ATP10B: variants seen among roughly 807,000 people sequenced by gnomAD.
ATP10B encodes phospholipid-transporting ATPase VB.
Under a neutral mutation model 141.2 loss-of-function variants are expected in ATP10B, and 122 were observed. That is an observed-to-expected ratio of 0.86 (90% confidence interval 0.75 to 1.00). ATP10B has a LOEUF of 1.00. Ranked by LOEUF, ATP10B falls within the 50% of genes least tolerant of loss-of-function variation. The probability of loss-of-function intolerance (pLI) is 0.00; values close to 1 mark genes in which losing one functional copy is unlikely to be tolerated. For missense variants in ATP10B, 1,876 were observed against 1,825.3 expected (o/e 1.03, Z -0.51); for synonymous variants, 685 against 692.0 (o/e 0.99, Z 0.16).
chr5:160,789,826 G>A (rs1386515802), intron 1 of ATP10B, among the ~76,000 whole-genome samples: 1 of 152,162 alleles, frequency 6.6e-6, no homozygotes, highest in African/African-American at 2.4e-5. Flanking sequence ...TAGCCCAGCA[G>A]GGGGTTGGGG....
chr5:160,630,854 C>T (rs748597868), intron 13 of ATP10B, among the ~76,000 whole-genome samples: 1 of 152,140 alleles, frequency 6.6e-6, no homozygotes, highest in Non-Finnish European at 1.5e-5. Context: ...CAACTTTGTC[C>T]TCACCCAAAG....
intron 13 of ATP10B, among the ~76,000 whole-genome samples, chr5:160,626,761 T>C (rs1758633975): frequency 6.6e-6 from 1 of 152,230 alleles, no homozygotes; most frequent in Admixed American, 6.5e-5. Flanking sequence ...AGCAAGGGTC[T>C]GTGTTACATG....
chr5:160,570,020 GT>G (rs908793554), intron 24 of ATP10B, among the ~76,000 whole-genome samples: 1 of 151,180 alleles, frequency 6.6e-6, no homozygotes, highest in Non-Finnish European at 1.5e-5. Context: ...ATGACTTTTT[GT>G]TTTTTTTCCC....
chr5:160,812,014 CAGAGACAGAGAG>C (rs1372203773), intron 1 of ATP10B, among the ~76,000 whole-genome samples: 3,407 of 117,856 alleles, frequency 0.029, 104 homozygotes, highest in Admixed American at 0.13. Flanking sequence ...GAGACAGAGA[CAGAGACAGAGAG>C]AGAGAGAGAG....
chr5:160,645,116 T>TAAAAA (rs55774256), intron 8 of ATP10B, among the ~76,000 whole-genome samples: 1 of 134,446 alleles, frequency 7.4e-6, no homozygotes. Context: ...GACTCCATCT[T>TAAAAA]AAAAAAAAAA....
In ATP10B at chr5:160,833,776, G is replaced by T. The variant is rs187307702; in HGVS notation, c.-576+18165C>A. On this transcript the variant is annotated intron_variant, in intron 1 of 25. Coordinates refer to ENST00000327245, the MANE Select transcript of ATP10B (RefSeq NM_025153.3). ...GAACCCTATTTTTACTTTGTGTGATGTTTTTAAATCAATTACATTTGGCAG... is the reference window on the plus strand; with the variant it reads ...GAACCCTATTTTTACTTTGTGTGATTTTTTTAAATCAATTACATTTGGCAG... 6.0e-3 allele frequency among the ~76,000 whole-genome samples: 916 copies of T among 152,224 alleles called. 13 individuals carry two copies. Among genetic ancestry groups the T allele is most frequent in the African/African-American group, 0.021 (872 of 41,546 alleles).
chr5:160,773,582 C>T (rs539407436), intron 2 of ATP10B, among the ~76,000 whole-genome samples: 10 of 152,254 alleles, frequency 6.6e-5, no homozygotes, highest in Middle Eastern at 3.4e-3. Flanking sequence ...CGGCTAATAG[C>T]TGAAGAGTTA....
Position 160,741,369 on chromosome 5 carries a change from C to A in ATP10B, c.-330-24335G>T, listed in dbSNP as rs116447279. ...ATGAAGTCCAAAAGGAGGATGGGATCAGTCTCTGTAGGAGTTCTTCCCTTC... is the reference window on the plus strand; with the variant it reads ...ATGAAGTCCAAAAGGAGGATGGGATAAGTCTCTGTAGGAGTTCTTCCCTTC... On this transcript the variant is annotated intron_variant, in intron 2 of 25. Coordinates refer to ENST00000327245, the MANE Select transcript of ATP10B (RefSeq NM_025153.3). Among the ~76,000 whole-genome samples, 1,430 of 152,300 alleles carry A rather than the reference C, an allele frequency of 9.4e-3. 27 individuals are homozygous for A. Among genetic ancestry groups the A allele is most frequent in the African/African-American group, 0.033 (1,378 of 41,564 alleles).
intron 25 of ATP10B, among the ~76,000 whole-genome samples, chr5:160,566,537 G>A (rs2127591873): frequency 1.3e-5 from 2 of 152,220 alleles, no homozygotes; most frequent in South Asian, 4.2e-4. Context: ...GATTCCTAAG[G>A]TCTCCTGAGA....
rs1290618634 is a variant in ATP10B at position 160,569,388 on chromosome 5, C to T, written c.3938+108G>A. 2.4e-5 allele frequency: 26 copies of T among 1,079,040 alleles called. No homozygotes were observed. The South Asian group carries it at 3.9e-4, about 16-fold the overall frequency. The allele number at this position is 1,079,040 out of a possible 1,614,324, so 66.8% of individuals were successfully genotyped here. A position where few individuals can be genotyped will look rare whatever the true frequency, so the allele number is the denominator to read the frequency against. On this transcript the variant is annotated intron_variant, in intron 25 of 25. Transcript: ENST00000327245. ...ATCTCTCTGTTTCTGAAACATTAGC[C>T]TCAAGGATGCCAGCAGAAGTCAAAC... is the stretch of plus-strand genomic sequence containing the variant.
chr5:160,815,282 A>G (rs538831395), intron 1 of ATP10B, among the ~76,000 whole-genome samples: 1 of 152,332 alleles, frequency 6.6e-6, no homozygotes, highest in Admixed American at 6.5e-5. Flanking sequence ...AAATAAAGGG[A>G]TGGAGAAAGA....
chr5:160,565,385 G>A lies in ATP10B; in HGVS notation c.*68C>T. On this transcript the variant is annotated 3_prime_UTR_variant, in exon 26 of 26. Transcript: ENST00000327245. ...CATTGTTTCCTCTATGAAGAAGAAG[G>A]GGTCAAGGGTTATGTGGACCAGTGA... is the stretch of plus-strand genomic sequence containing the variant. The A allele has an allele frequency of 7.0e-7, 1 of 1,435,478 alleles. No individual in the cohort carries two copies. Among genetic ancestry groups the A allele is most frequent in the Non-Finnish European group, 9.6e-7 (1 of 1,038,116 alleles). The allele number at this position is 1,435,478 out of a possible 1,614,324, so 88.9% of individuals were successfully genotyped here. A position where few individuals can be genotyped will look rare whatever the true frequency, so the allele number is the denominator to read the frequency against.
At chr5:160,599,400 G>C (rs1756948057) in intron 21 of ATP10B, among the ~76,000 whole-genome samples, 1 of 152,200 alleles carries the variant, frequency 6.6e-6, no homozygotes, top group Non-Finnish European at 1.5e-5. Flanking sequence ...TTTGGAGGCA[G>C]AGAGGCCTGG....
intron 3 of ATP10B, among the ~76,000 whole-genome samples, chr5:160,716,355 C>A (rs1267500059): frequency 2.0e-5 from 3 of 152,072 alleles, no homozygotes; most frequent in East Asian, 3.8e-4. Flanking sequence ...ATTCATATAA[C>A]TCTCATAACA....
At chr5:160,760,154 T>G (rs1768927340) in intron 2 of ATP10B, among the ~76,000 whole-genome samples, 1 of 152,208 alleles carries the variant, frequency 6.6e-6, no homozygotes, top group Non-Finnish European at 1.5e-5. Flanking sequence ...AATTAGGCTG[T>G]CTGAGCACCT....
At chr5:160,640,762 A>C (rs1003962490) in intron 9 of ATP10B, among the ~76,000 whole-genome samples, 170 bp from the exon 10 acceptor site, 1 of 152,154 alleles carries the variant, frequency 6.6e-6, no homozygotes, top group Admixed American at 6.5e-5. Context: ...GGCCTCACAT[A>C]ATTTACCAGC....
At chr5:160,775,944 C>T (rs1298079039) in intron 2 of ATP10B, among the ~76,000 whole-genome samples, 1 of 152,104 alleles carries the variant, frequency 6.6e-6, no homozygotes, top group Non-Finnish European at 1.5e-5. Context: ...GCCTAAGCTT[C>T]AGATTTTTAA....
the ATP10B span, among the ~76,000 whole-genome samples, chr5:160,877,103 A>G: frequency 1.3e-5 from 2 of 152,318 alleles, no homozygotes; most frequent in South Asian, 2.1e-4. Context: ...TTAGACCAAT[A>G]TCCTTGATGA....
chr5:160,773,310 C>T (rs1163880209), intron 2 of ATP10B, among the ~76,000 whole-genome samples: 1 of 152,126 alleles, frequency 6.6e-6, no homozygotes, highest in East Asian at 1.9e-4. Context: ...AATGGCTTAT[C>T]AAAGGAATAG....
Sources: gnomAD v4.1 joint callset for allele counts (sites outside exome capture counted in the v4.1 genomes callset) on GRCh38, gnomAD v4.1.1 for gene constraint, MANE v1.5 for transcripts, NCBI Gene and HGNC (gene_info 2026-07-23, HGNC 2026-07-21) for gene names.